Variants in ATP6V1E1 observed in about 807,000 individuals in gnomAD.
ATP6V1E1 encodes V-type proton ATPase subunit E 1.
ATP6V1E1 carries 21 observed loss-of-function variants against 35.2 expected under a neutral mutation model. The observed-to-expected ratio is 0.60, with a 90% CI of 0.42 to 0.86. The LOEUF is 0.86. ATP6V1E1 is among the 40% of genes least tolerant of loss of function. ATP6V1E1 has a pLI of 0.00. For missense variants in ATP6V1E1, 183 were observed against 272.6 expected, an observed-to-expected ratio of 0.67 and a Z score of 2.32; for synonymous variants, 83 against 87.8, an observed-to-expected ratio of 0.95 and a Z score of 0.30.
intron 7 of ATP6V1E1, among the ~76,000 whole-genome samples, chr22:17,597,329 G>C (rs2057737171): frequency 6.6e-6 from 1 of 151,534 alleles, no homozygotes; most frequent in Non-Finnish European, 1.5e-5. Context: ...CAGTGAAATC[G>C]AGAAAATGAC....
chr22:17,600,820 G>A, intron 5 of ATP6V1E1: 1 of 237,550 alleles, frequency 4.2e-6, no homozygotes, highest in Non-Finnish European at 8.1e-6. Context: ...GCCATTGCAA[G>A]CAAATTTGAC....
intron 4 of ATP6V1E1, among the ~76,000 whole-genome samples, chr22:17,612,411 A>G (rs1259752185): frequency 6.6e-6 from 1 of 152,146 alleles, no homozygotes; most frequent in Non-Finnish European, 1.5e-5. Context: ...CTGCACGCTT[A>G]TATCATGAGC....
intron 1 of ATP6V1E1, among the ~76,000 whole-genome samples, chr22:17,625,809 T>C (rs1184596837): frequency 1.3e-5 from 2 of 151,848 alleles, no homozygotes; most frequent in Non-Finnish European, 2.9e-5. Flanking sequence ...TATATTCCCC[T>C]GAGAGTCTTT....
At chr22:17,618,763 G>A (rs1046378841) in intron 2 of ATP6V1E1, among the ~76,000 whole-genome samples, 9 of 152,234 alleles carry the variant, frequency 5.9e-5, no homozygotes, top group South Asian at 4.1e-4. Context: ...ACTTTGGGAG[G>A]CCCAAGCGGG....
chr22:17,599,818 G>A (rs1351228526), intron 6 of ATP6V1E1, among the ~76,000 whole-genome samples: 7 of 151,590 alleles, frequency 4.6e-5, no homozygotes, highest in Admixed American at 1.3e-4. Flanking sequence ...TAGTCTACTC[G>A]GGAGGCTGAG....
chr22:17,617,904 G>A (rs952016473), intron 2 of ATP6V1E1, among the ~76,000 whole-genome samples: 8 of 152,156 alleles, frequency 5.3e-5, no homozygotes, highest in African/African-American at 1.7e-4. Flanking sequence ...CTGCATTCTG[G>A]GATCAAGCGA....
rs551917534 is a variant in ATP6V1E1, at chr22:17,620,517, CTTTGGGGCCATACTCTTCCACTCT to C, written c.34-1015_34-992del. ...TCCTCCTGTTCTCCTTTCCAGTCTC[CTTTGGGGCCATACTCTTCCACTCT>C]TTTGGGGCCATACTCTTCCACTCTG... On this transcript the variant is annotated intron_variant, in intron 1 of 8. Transcript: ENST00000253413. 2.5e-3 allele frequency among the ~76,000 whole-genome samples: 375 copies of C among 152,060 alleles called. 2 individuals carry two copies. The highest frequency in any genetic ancestry group is 7.9e-3 in the African/African-American group (329 of 41,488).
intron 6 of ATP6V1E1, among the ~76,000 whole-genome samples, chr22:17,598,676 T>G (rs1340670651): frequency 1.3e-5 from 2 of 152,066 alleles, no homozygotes; most frequent in African/African-American, 4.8e-5. Context: ...CAACTGGCAG[T>G]TGCAGATGAG....
intron 4 of ATP6V1E1, among the ~76,000 whole-genome samples, chr22:17,609,896 G>A (rs915513022): frequency 1.3e-5 from 2 of 152,156 alleles, no homozygotes; most frequent in Admixed American, 6.5e-5. Flanking sequence ...GAGAAGCACC[G>A]ATATTGAAGT....
At chr22:17,594,090 T>C (rs1294347373) in intron 8 of ATP6V1E1, among the ~76,000 whole-genome samples, 1 of 152,070 alleles carries the variant, frequency 6.6e-6, no homozygotes, top group Non-Finnish European at 1.5e-5. Flanking sequence ...TAATCCCAGC[T>C]ACTCGGGAGG....
chr22:17,599,278 T>TAA (rs796957937), intron 6 of ATP6V1E1, among the ~76,000 whole-genome samples: 1 of 143,580 alleles, frequency 7.0e-6, no homozygotes, highest in African/African-American at 2.5e-5. Context: ...TTACCACCAT[T>TAA]AAAAAAAAAA....
At chr22:17,593,779 T>G (rs890302978) in intron 8 of ATP6V1E1, among the ~76,000 whole-genome samples, 1 of 152,220 alleles carries the variant, frequency 6.6e-6, no homozygotes, top group African/African-American at 2.4e-5. Context: ...AGCAATAGAC[T>G]CCCACTAGAA....
At chr22:17,599,961 G>T in intron 6 of ATP6V1E1, 66 bp downstream of exon 6, 1 of 1,139,430 alleles carries the variant, frequency 8.8e-7, no homozygotes, top group Non-Finnish European at 1.2e-6. Context: ...GGAAAAGAAA[G>T]AGAGAGGGGA....
intron 2 of ATP6V1E1, among the ~76,000 whole-genome samples, chr22:17,614,924 G>A (rs2057835221): frequency 6.7e-6 from 1 of 149,220 alleles, no homozygotes; most frequent in Non-Finnish European, 1.5e-5. Flanking sequence ...AACCGAGATC[G>A]CGCCTGGGCA....
intron 1 of ATP6V1E1, among the ~76,000 whole-genome samples, chr22:17,625,987 A>G (rs957494935): frequency 5.9e-5 from 9 of 152,068 alleles, no homozygotes; most frequent in Middle Eastern, 3.4e-3. Context: ...AAACACCGTT[A>G]GGCATTGAGG....
chr22:17,621,822 G>A (rs1183175393), intron 1 of ATP6V1E1, among the ~76,000 whole-genome samples: 1 of 152,056 alleles, frequency 6.6e-6, no homozygotes, highest in Non-Finnish European at 1.5e-5. Context: ...AATCTTTCCT[G>A]TACCTAGAGT....
intron 2 of ATP6V1E1, among the ~76,000 whole-genome samples, chr22:17,616,054 CAA>C: frequency 6.7e-6 from 1 of 149,066 alleles, no homozygotes; most frequent in African/African-American, 2.5e-5. Flanking sequence ...AACAAACAAA[CAA>C]ACAAACAAAA....
At chr22:17,618,352 T>C (rs896736585) in intron 2 of ATP6V1E1, among the ~76,000 whole-genome samples, 1 of 152,098 alleles carries the variant, frequency 6.6e-6, no homozygotes, top group Non-Finnish European at 1.5e-5. Flanking sequence ...TACAGACATT[T>C]CCAATGAGGA....
chr22:17,619,976 T>C (rs553135359), intron 1 of ATP6V1E1, among the ~76,000 whole-genome samples: 136 of 152,272 alleles, frequency 8.9e-4, no homozygotes, highest in African/African-American at 3.2e-3. Flanking sequence ...GAGCTATCTA[T>C]ACTTACTCTT....
Sources: allele counts gnomAD v4.1 joint callset (sites outside exome capture counted in the v4.1 genomes callset), GRCh38; gene constraint gnomAD v4.1.1; transcripts MANE v1.5; gene names NCBI Gene and HGNC (gene_info 2026-07-23, HGNC 2026-07-21).